The following FBXW4 variants were observed in gnomAD, a reference collection of about 807,000 sequenced individuals.
FBXW4 encodes F-box and WD repeat domain containing 4.
FBXW4 carries 40 observed loss-of-function variants against 61.8 expected under a neutral mutation model. The observed-to-expected ratio is 0.65, with a 90% confidence interval of 0.50 to 0.84. FBXW4 has a LOEUF of 0.84. Ranked by LOEUF, FBXW4 falls within the 40% of genes least tolerant of loss-of-function variation. The pLI is 0.00. For synonymous variants in FBXW4, 311 were observed against 313.8 expected (o/e 0.99, Z 0.10); for missense variants, 672 against 753.8 (o/e 0.89, Z 1.27).
intron 5 of FBXW4, among the ~76,000 whole-genome samples, chr10:101,655,879 T>C (rs1389495254): frequency 1.3e-5 from 2 of 152,186 alleles, no homozygotes; most frequent in South Asian, 4.1e-4. Context: ...AAACTCAAGT[T>C]CTGACCAGGC....
rs185181909 is a variant in FBXW4, at chr10:101,611,087, C to T, written c.*204G>A. The T allele has an allele frequency of 5.0e-4, 293 of 588,914 alleles. No homozygotes were observed. Among genetic ancestry groups the T allele is most frequent in the Admixed American group, 1.8e-3 (54 of 30,330 alleles). The allele number at this position is 588,914 out of a possible 1,614,324, so 36.5% of individuals were successfully genotyped here. A position where few individuals can be genotyped will look rare whatever the true frequency, so the allele number is the denominator to read the frequency against. ...AAAGCAGCAGGTCCTGCCTCTCCAA[C>T]AGGTTCCTGGGAGGGACTGCATCTC... On this transcript the variant is annotated 3_prime_UTR_variant, in exon 9 of 9. Transcript: ENST00000331272. The surrounding 1 kb of genome is among the most constrained non-coding windows in gnomAD (Gnocchi z 4.9).
rs1209214003 is a variant in FBXW4 at position 101,694,496 on chromosome 10, C to A, written c.610G>T (p.Gly204Cys). ...ICSYLDMRAL[G>C]RLAQVCRWLR... is the part of the protein sequence containing the mutation. ...CAGCGGCACACCTGGGCCAGGCGGC[C>A]GAGGGCCCGCATGTCCAGGTAGGAG... Residue 204 changes from glycine (G) to cysteine (C), a missense_variant, in exon 1 of 9, where the codon GGC becomes TGC. Around this residue, in one of 5 missense-constraint regions of FBXW4, gnomAD observed 311 missense variants for 301.1 expected, o/e 1.03. Transcript: ENST00000331272. The surrounding 1 kb of genome is among the most constrained non-coding windows in gnomAD (Gnocchi z 6.0). The A allele has an allele frequency of 6.6e-7, 1 of 1,522,590 alleles. No individual in the cohort carries two copies. The highest frequency in any genetic ancestry group is 8.7e-7 in the Non-Finnish European group (1 of 1,145,504). The allele number at this position is 1,522,590 out of a possible 1,614,324, so 94.3% of individuals were successfully genotyped here.
chr10:101,650,396 G>A (rs1422434593), intron 5 of FBXW4, among the ~76,000 whole-genome samples: 2 of 152,154 alleles, frequency 1.3e-5, no homozygotes, highest in African/African-American at 4.8e-5. Flanking sequence ...GCTGACCTGT[G>A]CTCTAGCACC....
chr10:101,614,972 G>C (rs2063814782), intron 6 of FBXW4, among the ~76,000 whole-genome samples: 1 of 152,154 alleles, frequency 6.6e-6, no homozygotes, highest in Non-Finnish European at 1.5e-5. Flanking sequence ...AGATTGGCCC[G>C]ACAATAGCCC....
intron 5 of FBXW4, among the ~76,000 whole-genome samples, chr10:101,631,937 T>C (rs964574363): frequency 6.6e-6 from 1 of 152,184 alleles, no homozygotes; most frequent in Non-Finnish European, 1.5e-5. Context: ...ATTATTTACA[T>C]TTTATAAGAG....
At chr10:101,615,363 G>A (rs1169175737) in intron 6 of FBXW4, among the ~76,000 whole-genome samples, 1 of 151,972 alleles carries the variant, frequency 6.6e-6, no homozygotes, top group Non-Finnish European at 1.5e-5. Flanking sequence ...GATCCACTAA[G>A]GGCTGGGGGC....
At chr10:101,672,530 A>C (rs1332229646) in intron 4 of FBXW4, among the ~76,000 whole-genome samples, 1 of 152,216 alleles carries the variant, frequency 6.6e-6, no homozygotes, top group East Asian at 1.9e-4. Context: ...AAGGTGGTGA[A>C]AAATTAACCT....
chr10:101,684,658 C>T (rs1452717349), intron 1 of FBXW4, among the ~76,000 whole-genome samples: 2 of 152,206 alleles, frequency 1.3e-5, no homozygotes, highest in African/African-American at 4.8e-5. Flanking sequence ...ACCAGTTCTT[C>T]TATCAATGCT....
At chr10:101,653,745 C>T (rs1414149303) in intron 5 of FBXW4, among the ~76,000 whole-genome samples, 1 of 152,168 alleles carries the variant, frequency 6.6e-6, no homozygotes, top group East Asian at 1.9e-4. Flanking sequence ...ACTATAAGCT[C>T]CTACACGGTA....
chr10:101,651,228 G>T (rs1051009322), intron 5 of FBXW4, among the ~76,000 whole-genome samples: 3 of 152,174 alleles, frequency 2.0e-5, no homozygotes, highest in South Asian at 4.1e-4. Flanking sequence ...GAAGGGGCCC[G>T]CCAAACACCC....
chr10:101,663,154 T>C (rs906925324), intron 5 of FBXW4, among the ~76,000 whole-genome samples: 5 of 152,226 alleles, frequency 3.3e-5, no homozygotes. Context: ...TGATCTTCCC[T>C]GGGCCTCAAT....
chr10:101,633,450 G>A (rs2063975238), intron 5 of FBXW4, among the ~76,000 whole-genome samples: 1 of 152,134 alleles, frequency 6.6e-6, no homozygotes, highest in Non-Finnish European at 1.5e-5. Flanking sequence ...CCTGTTAGGG[G>A]GTAGTGGGTT....
intron 5 of FBXW4, among the ~76,000 whole-genome samples, chr10:101,655,960 G>A (rs560834448): frequency 6.6e-5 from 10 of 152,326 alleles, no homozygotes; most frequent in African/African-American, 1.7e-4. Flanking sequence ...ATGAAGAAGC[G>A]AGGAAGGAAC....
In FBXW4 at chr10:101,634,672, G is replaced by A. The variant is rs1263805834; in HGVS notation, c.1236-9862C>T. Among the ~76,000 whole-genome samples, 4 of 147,794 alleles carry A rather than the reference G, an allele frequency of 2.7e-5. 1 individual carries two copies. On this transcript the variant is annotated intron_variant, in intron 5 of 8. Coordinates refer to ENST00000331272, the MANE Select transcript of FBXW4 (RefSeq NM_022039.4). ...TGAACTAATCAATAAATGGTATAGG[G>A]TCCACTGAATACACATTTGAAAAAA...
chr10:101,627,338 C>T (rs2063915621), intron 5 of FBXW4, among the ~76,000 whole-genome samples: 2 of 152,176 alleles, frequency 1.3e-5, no homozygotes, highest in African/African-American at 2.4e-5. Context: ...CTTAGGAGGA[C>T]TTAAGAGTTT....
At chr10:101,660,155 G>A (rs755296872) in intron 5 of FBXW4, 25 of 985,300 alleles carry the variant, frequency 2.5e-5, no homozygotes, top group Non-Finnish European at 2.7e-5. Context: ...CAGATAAGAG[G>A]AGAAAGAGCT....
intron 5 of FBXW4, among the ~76,000 whole-genome samples, chr10:101,651,563 T>C (rs1307703350): frequency 6.6e-6 from 1 of 152,132 alleles, no homozygotes; most frequent in African/African-American, 2.4e-5. Context: ...ATTCTGCAGA[T>C]GTGCTTGATG....
In FBXW4 at chr10:101,673,002, G is replaced by C; in HGVS notation, c.1053C>G (p.Val351=). The change falls in exon 4 of 9, where the codon GTC becomes GTG. Residue 351 remains valine, a synonymous_variant. Transcript: ENST00000331272. ...CCTCCTGTTCATGAGCCGAGTACTT[G>C]ACAGTGAAGGTGCTGTGAATCTTAT... The part of the protein sequence containing the change: ...GIHKIHSTFT[V]KYSAHEQEVN... The C allele has an allele frequency of 6.2e-7, 1 of 1,613,942 alleles. No individual in the cohort carries two copies.
intron 5 of FBXW4, among the ~76,000 whole-genome samples, chr10:101,638,091 T>C (rs763601691): frequency 4.7e-4 from 71 of 152,204 alleles, no homozygotes; most frequent in Non-Finnish European, 7.9e-4. Flanking sequence ...CAATCCAGCA[T>C]GATCTTTCTA....
Sources: allele counts gnomAD v4.1 joint callset (sites outside exome capture counted in the v4.1 genomes callset), GRCh38; gene constraint gnomAD v4.1.1; regional missense constraint gnomAD v4.1.1; non-coding constraint Gnocchi (gnomAD v3.1); transcripts MANE v1.5; gene names NCBI Gene and HGNC (gene_info 2026-07-23, HGNC 2026-07-21).